LHPP: variants seen among roughly 807,000 people sequenced by gnomAD.
LHPP encodes phospholysine phosphohistidine inorganic pyrophosphate phosphatase.
Under a neutral mutation model 30.3 loss-of-function variants are expected in LHPP, and 24 were observed. The observed-to-expected ratio is 0.79, with a 90% CI of 0.57 to 1.11. The LOEUF (loss-of-function observed/expected upper bound fraction) is 1.11. Ranked by LOEUF, LHPP falls within the 50% of genes most tolerant of loss-of-function variation. The pLI, the probability that LHPP is intolerant of heterozygous loss-of-function variation, is 0.00. For synonymous variants in LHPP, 150 were observed against 157.1 expected, an observed-to-expected ratio of 0.95 and a Z score of 0.34; for missense variants, 356 against 367.2, an observed-to-expected ratio of 0.97 and a Z score of 0.25.
At chr10:124,476,088 G>T (rs936859765) in intron 1 of LHPP, among the ~76,000 whole-genome samples, 6 of 152,136 alleles carry the variant, frequency 3.9e-5, no homozygotes, top group African/African-American at 1.4e-4. Context: ...AGGAGGCGCA[G>T]GTACGGGAGG....
chr10:124,502,288 A>T (rs1482589260), intron 5 of LHPP, among the ~76,000 whole-genome samples: 2 of 151,870 alleles, frequency 1.3e-5, no homozygotes, highest in Admixed American at 6.5e-5. Flanking sequence ...AGTGTCCTTT[A>T]TCTGTGAACT....
chr10:124,558,935 G>C lies in LHPP; in HGVS notation c.716+41664G>C, dbSNP rs546286444. 3.3e-5 allele frequency among the ~76,000 whole-genome samples: 5 copies of C among 152,322 alleles called. No homozygotes were observed. The South Asian group carries it at 1.0e-3, about 32-fold the overall frequency. On this transcript the variant is annotated intron_variant, in intron 6 of 6. Coordinates refer to ENST00000368842, the MANE Select transcript of LHPP (RefSeq NM_022126.4). ...ATTCATTTTTCTCTCGACCTTTTCTGTTGGAATCGTGGGGCCTTAACACTG... is the reference window on the plus strand; with the variant it reads ...ATTCATTTTTCTCTCGACCTTTTCTCTTGGAATCGTGGGGCCTTAACACTG...
chr10:124,608,692 A>G (rs7079227), intron 6 of LHPP, among the ~76,000 whole-genome samples: 2 of 138,892 alleles, frequency 1.4e-5, no homozygotes, highest in South Asian at 2.4e-4. Flanking sequence ...GCTCAGAGGG[A>G]CCCCCACCCC....
In LHPP at chr10:124,590,204, C is replaced by T. The variant is rs1434318410; in HGVS notation, c.717-23060C>T. On this transcript the variant is annotated intron_variant, in intron 6 of 6. Transcript: ENST00000368842. This position sits in a 1 kb window ranked among gnomAD's most constrained non-coding sequence, Gnocchi z 4.3. The stretch of plus-strand genomic sequence containing the variant: ...GCCACATGAAATTGAAGTGGGAGAA[C>T]ATGGTGTGTGAGCATTATTGGGGGT... Among the ~76,000 whole-genome samples, 1 of 152,074 alleles carries T rather than the reference C, an allele frequency of 6.6e-6. No homozygotes were observed. The highest frequency in any genetic ancestry group is 1.5e-5 in the Non-Finnish European group (1 of 68,022).
intron 6 of LHPP, among the ~76,000 whole-genome samples, chr10:124,522,131 G>T (rs907183973): frequency 2.0e-5 from 3 of 152,212 alleles, no homozygotes; most frequent in Non-Finnish European, 4.4e-5. Flanking sequence ...CCGGGCAGGG[G>T]TGTCTGGAGC....
intron 6 of LHPP, among the ~76,000 whole-genome samples, chr10:124,580,440 AT>A (rs35666897): frequency 0.13 from 20,263 of 152,214 alleles, 1,816 homozygotes; most frequent in Non-Finnish European, 0.2. Context: ...TGACTTGTGT[AT>A]ATGGTGTGAG....
At position 124,590,345 on chromosome 10, in the gene LHPP, G is replaced by A. The variant is rs948096954; in HGVS notation, c.717-22919G>A. 6.6e-6 allele frequency among the ~76,000 whole-genome samples: 1 copy of A among 152,144 alleles called. No homozygotes were observed. The highest frequency in any genetic ancestry group is 1.5e-5 in the Non-Finnish European group (1 of 68,032). On this transcript the variant is annotated intron_variant, in intron 6 of 6. Coordinates refer to ENST00000368842, the MANE Select transcript of LHPP (RefSeq NM_022126.4). The surrounding 1 kb of genome is among the most constrained non-coding windows in gnomAD (Gnocchi z 4.3). ...CTGCGGGGAAGTGCTGGAACCCTCCGCACGAGGGCAACCTTTCTTGGGCTC... is the reference window on the plus strand; with the variant it reads ...CTGCGGGGAAGTGCTGGAACCCTCCACACGAGGGCAACCTTTCTTGGGCTC...
chr10:124,484,664 A>AAGAGAGAGAG (rs1241878817), intron 2 of LHPP, among the ~76,000 whole-genome samples: 4 of 101,466 alleles, frequency 3.9e-5, no homozygotes, highest in African/African-American at 1.7e-4. Flanking sequence ...CCTGTTGAGA[A>AAGAGAGAGAG]AGAGACAGAG....
intron 5 of LHPP, among the ~76,000 whole-genome samples, chr10:124,503,843 G>T (rs1368818643): frequency 6.7e-6 from 1 of 149,678 alleles, no homozygotes; most frequent in South Asian, 2.1e-4. Flanking sequence ...AAAATAATGT[G>T]TTTTATATAT....
At chr10:124,563,418 A>G (rs572748697) in intron 6 of LHPP, among the ~76,000 whole-genome samples, 1 of 151,854 alleles carries the variant, frequency 6.6e-6, no homozygotes, top group East Asian at 1.9e-4. Context: ...CCTATCCCAA[A>G]AGGTTATGTA....
intron 6 of LHPP, among the ~76,000 whole-genome samples, chr10:124,597,346 C>T (rs1487930038): frequency 2.6e-5 from 4 of 152,214 alleles, no homozygotes; most frequent in Admixed American, 2.0e-4. Flanking sequence ...GCATAGAGCT[C>T]CAGGCAGGCC....
chr10:124,485,951 TG>T (rs1330527823), intron 2 of LHPP, among the ~76,000 whole-genome samples: 2 of 151,992 alleles, frequency 1.3e-5, no homozygotes, highest in Non-Finnish European at 2.9e-5. Context: ...TGACATTTTT[TG>T]ATATTTTCTT....
intron 6 of LHPP, among the ~76,000 whole-genome samples, chr10:124,545,091 C>A (rs1955300492): frequency 6.6e-6 from 1 of 152,148 alleles, no homozygotes; most frequent in African/African-American, 2.4e-5. Flanking sequence ...CCTGGTGCCC[C>A]CGCCCCCAGA....
At chr10:124,566,127 G>A (rs763991468) in intron 6 of LHPP, among the ~76,000 whole-genome samples, 1 of 152,222 alleles carries the variant, frequency 6.6e-6, no homozygotes, top group Non-Finnish European at 1.5e-5. Context: ...GGCAGAGCCC[G>A]GTGGTTCCAG....
intron 6 of LHPP, among the ~76,000 whole-genome samples, chr10:124,532,238 C>T (rs1198225298): frequency 6.6e-6 from 1 of 152,246 alleles, no homozygotes; most frequent in African/African-American, 2.4e-5. Context: ...CAAGGAGCCC[C>T]AGTTCCTTCC....
Position 124,498,765 on chromosome 10 carries a change from G to C in LHPP, c.624+637G>C, listed in dbSNP as rs749391569. 4 of 460,488 alleles carry C rather than the reference G, an allele frequency of 8.7e-6. No individual in the cohort carries two copies. In the Admixed American group the frequency reaches 9.6e-5, roughly 11 times the overall value. 28.5% of individuals were successfully genotyped at this position (460,488 alleles called of 1,614,324 possible). A position where few individuals can be genotyped will look rare whatever the true frequency, so the allele number is the denominator to read the frequency against. On this transcript the variant is annotated intron_variant, in intron 5 of 6. Transcript: ENST00000368842. ...GCTCACTGCAGCCTGGACCTCCCAG[G>C]CTCAAGCGATCCTGCCATCTCAGTG...
intron 5 of LHPP, among the ~76,000 whole-genome samples, chr10:124,507,848 G>A (rs1406488214): frequency 8.3e-6 from 1 of 120,178 alleles, no homozygotes. Flanking sequence ...TTTCAGGTGG[G>A]GGGGTAGGGA....
chr10:124,543,989 G>A (rs1159096128), intron 6 of LHPP, among the ~76,000 whole-genome samples: 1 of 152,218 alleles, frequency 6.6e-6, no homozygotes, highest in African/African-American at 2.4e-5. Flanking sequence ...ACCCAGAGTT[G>A]CCGGCATCTC....
At chr10:124,572,203 T>A (rs895483621) in intron 6 of LHPP, among the ~76,000 whole-genome samples, 40 of 152,274 alleles carry the variant, frequency 2.6e-4, no homozygotes, top group African/African-American at 9.4e-4. Context: ...AAAAGGTCCC[T>A]CTGGCCGCTG....
Sources: allele counts gnomAD v4.1 joint callset (sites outside exome capture counted in the v4.1 genomes callset), GRCh38; gene constraint gnomAD v4.1.1; non-coding constraint Gnocchi (gnomAD v3.1); transcripts MANE v1.5; gene names NCBI Gene and HGNC (gene_info 2026-07-23, HGNC 2026-07-21).